SLC44A3: variants seen among roughly 807,000 people sequenced by gnomAD.
SLC44A3 encodes solute carrier family 44 member 3.
Under a neutral mutation model 75.4 loss-of-function variants are expected in SLC44A3, and 74 were observed. That is an observed-to-expected ratio of 0.98 (90% CI 0.81 to 1.19). The LOEUF is 1.19. Ranked by LOEUF, SLC44A3 falls within the 50% of genes most tolerant of loss-of-function variation. The probability of loss-of-function intolerance (pLI) is 0.00; values close to 1 mark genes in which losing one functional copy is unlikely to be tolerated. For missense variants in SLC44A3, 700 were observed against 778.6 expected (o/e 0.90, Z 1.20); for synonymous variants, 310 against 296.9 (o/e 1.04, Z -0.45).
chr1:94,821,070 C>T lies in SLC44A3; in HGVS notation c.135+14C>T. On this transcript the variant is annotated intron_variant, in intron 2 of 14. Coordinates refer to ENST00000271227, the MANE Select transcript of SLC44A3 (RefSeq NM_001114106.3). ...TGGACTGGTTTGGTAAGTGTGGGTG[C>T]TTGGTAGGAAAGAGGCCAGAGTGTG... is the stretch of plus-strand genomic sequence containing the variant. The T allele has an allele frequency of 1.3e-6, 2 of 1,545,536 alleles. No individual in the cohort carries two copies. Among genetic ancestry groups the T allele is most frequent in the Non-Finnish European group, 1.8e-6 (2 of 1,142,078 alleles).
intron 9 of SLC44A3, among the ~76,000 whole-genome samples, chr1:94,853,148 G>A (rs1460115741): frequency 2.7e-5 from 4 of 148,616 alleles, no homozygotes; most frequent in African/African-American, 7.3e-5. Flanking sequence ...AGAACAAACA[G>A]AGAAGACTGA....
intron 11 of SLC44A3, 67 bp from the exon 12 acceptor site, chr1:94,867,264 A>C (rs1481667859): frequency 1.4e-6 from 2 of 1,384,562 alleles, no homozygotes; most frequent in East Asian, 2.5e-5. Flanking sequence ...TTTCCTCAGA[A>C]ACTGCCTGCT....
At chr1:94,863,336 GA>G (rs1293123710) in intron 10 of SLC44A3, among the ~76,000 whole-genome samples, 1 of 152,130 alleles carries the variant, frequency 6.6e-6, no homozygotes, top group Non-Finnish European at 1.5e-5. Flanking sequence ...TGAAACCTCA[GA>G]AAGCTGATGC....
chr1:94,857,011 A>G (rs1333211054), intron 9 of SLC44A3, among the ~76,000 whole-genome samples: 1 of 152,142 alleles, frequency 6.6e-6, no homozygotes. Flanking sequence ...GATTACAGGC[A>G]TGAGCCACCA....
At chr1:94,880,839 A>G (rs1366026339) in intron 12 of SLC44A3, among the ~76,000 whole-genome samples, 1 of 151,794 alleles carries the variant, frequency 6.6e-6, no homozygotes, top group Non-Finnish European at 1.5e-5. Flanking sequence ...ACTTAACACT[A>G]CTGAACTCTA....
intron 12 of SLC44A3, among the ~76,000 whole-genome samples, chr1:94,885,534 T>C (rs894624575): frequency 2.1e-4 from 32 of 152,154 alleles, no homozygotes; most frequent in African/African-American, 7.7e-4. Context: ...TTTTCAATGG[T>C]GCATCTCATG....
intron 12 of SLC44A3, chr1:94,889,307 A>C (rs905868573): frequency 5.3e-5 from 8 of 152,192 alleles, no homozygotes; most frequent in Admixed American, 5.2e-4. Flanking sequence ...TGAAATAAAA[A>C]ACTTTCATCC....
At chr1:94,892,907 C>T (rs1670379117) in intron 14 of SLC44A3, among the ~76,000 whole-genome samples, 1 of 152,154 alleles carries the variant, frequency 6.6e-6, no homozygotes, top group Non-Finnish European at 1.5e-5. Flanking sequence ...ATTTTTGCAT[C>T]TCCAAGCATG....
At chr1:94,867,220 C>T in intron 11 of SLC44A3, 111 bp from the exon 12 acceptor site, 1 of 804,360 alleles carries the variant, frequency 1.2e-6, no homozygotes, top group Non-Finnish European at 1.9e-6. Flanking sequence ...CCCACGCCAC[C>T]AGTGTTTCCC....
At chr1:94,841,795 T>C (rs1195327209) in intron 7 of SLC44A3, among the ~76,000 whole-genome samples, 1 of 152,208 alleles carries the variant, frequency 6.6e-6, no homozygotes, top group East Asian at 1.9e-4. Flanking sequence ...CCAGAACTTG[T>C]GGGTCCTCTA....
chr1:94,894,556 AAAGT>A (rs1362460952), intron 14 of SLC44A3, among the ~76,000 whole-genome samples: 2 of 151,964 alleles, frequency 1.3e-5, no homozygotes, highest in Non-Finnish European at 2.9e-5. Context: ...AACTCCCCTA[AAAGT>A]AATTCACCAC....
chr1:94,877,497 G>A (rs557837655), intron 12 of SLC44A3, among the ~76,000 whole-genome samples: 1 of 152,190 alleles, frequency 6.6e-6, no homozygotes, highest in Admixed American at 6.5e-5. Flanking sequence ...TACACAAGGC[G>A]GAGAAACAGA....
intron 5 of SLC44A3, among the ~76,000 whole-genome samples, chr1:94,828,917 T>C (rs1392365186): frequency 6.6e-6 from 1 of 152,190 alleles, no homozygotes; most frequent in Non-Finnish European, 1.5e-5. Context: ...TGTATTTTTT[T>C]CTACTCCAAT....
intron 5 of SLC44A3, among the ~76,000 whole-genome samples, chr1:94,831,509 A>G (rs944521642): frequency 1.3e-5 from 2 of 152,218 alleles, no homozygotes; most frequent in African/African-American, 2.4e-5. Flanking sequence ...CTTTTCGAGT[A>G]ATGGCTAAAT....
chr1:94,889,878 T>C (rs1178800976), intron 12 of SLC44A3, among the ~76,000 whole-genome samples: 1 of 152,058 alleles, frequency 6.6e-6, no homozygotes, highest in Non-Finnish European at 1.5e-5. Flanking sequence ...GAGATGGAGT[T>C]TCGCTCTTGT....
At chr1:94,828,083 G>A (rs1345317796) in intron 4 of SLC44A3, among the ~76,000 whole-genome samples, 1 of 152,194 alleles carries the variant, frequency 6.6e-6, no homozygotes, top group South Asian at 2.1e-4. Flanking sequence ...CCACTGAGCA[G>A]TGGGATGTCA....
chr1:94,826,339 A>C (rs1271989593), intron 3 of SLC44A3, among the ~76,000 whole-genome samples: 1 of 152,146 alleles, frequency 6.6e-6, no homozygotes, highest in African/African-American at 2.4e-5. Context: ...GAATGTACTA[A>C]TGTCACTGTA....
In SLC44A3 at chr1:94,824,515, T is replaced by C; in HGVS notation, c.158T>C (p.Val53Ala). 6.2e-7 allele frequency: 1 copy of C among 1,608,788 alleles called. No individual in the cohort carries two copies. Among genetic ancestry groups the C allele is most frequent in the Non-Finnish European group, 8.5e-7 (1 of 1,178,502 alleles). Residue 53 changes from valine (V) to alanine (A), a missense_variant, in exon 3 of 15, where the codon GTG becomes GCG. By Grantham distance (64) the Val-to-Ala change is moderately conservative. Transcript: ENST00000271227. ...CAGGTGTTTATCATGGGCTACTCGG[T>C]GGTGGCTGGAGCCGCGGGAAGACTC... Reference protein sequence around the residue: ...TGLVFIMGYSVVAGAAGRLLF... With the variant: ...TGLVFIMGYSAVAGAAGRLLF...
At chr1:94,883,571 G>A in intron 12 of SLC44A3, among the ~76,000 whole-genome samples, 1 of 152,168 alleles carries the variant, frequency 6.6e-6, no homozygotes, top group East Asian at 1.9e-4. Context: ...GGCTATAAGT[G>A]TTCAAAACCC....
Sources: allele counts gnomAD v4.1 joint callset (sites outside exome capture counted in the v4.1 genomes callset), GRCh38; gene constraint gnomAD v4.1.1; transcripts MANE v1.5; gene names NCBI Gene and HGNC (gene_info 2026-07-23, HGNC 2026-07-21).